The following LIAS variants were observed in gnomAD, a reference collection of about 807,000 sequenced individuals.
LIAS encodes lipoyl synthase, mitochondrial.
LIAS carries 36 observed loss-of-function variants against 49.4 expected under a neutral mutation model. That is an observed-to-expected ratio of 0.73 (90% CI 0.56 to 0.96). The LOEUF is 0.96. Among genes scored for constraint, LIAS ranks in the 40% least tolerant of loss-of-function variants. The pLI is 0.00. For missense variants in LIAS, 399 were observed against 456.3 expected, an observed-to-expected ratio of 0.87 and a Z score of 1.14; for synonymous variants, 145 against 155.8, an observed-to-expected ratio of 0.93 and a Z score of 0.52.
chr4:39,459,235 A>G, intron 1 of LIAS, 73 bp downstream of exon 1: 2 of 1,367,066 alleles, frequency 1.5e-6, no homozygotes, highest in Non-Finnish European at 2.0e-6. Flanking sequence ...CATGCCCAAT[A>G]ATAAAGGCCA....
chr4:39,462,813 C>T (rs1486146265), intron 3 of LIAS, among the ~76,000 whole-genome samples: 2 of 152,112 alleles, frequency 1.3e-5, no homozygotes, highest in African/African-American at 2.4e-5. Context: ...GGTGAAACCC[C>T]GTCTCTAATA....
At chr4:39,460,457 C>G (rs976963871) in intron 1 of LIAS, among the ~76,000 whole-genome samples, 4 of 150,972 alleles carry the variant, frequency 2.6e-5, no homozygotes, top group Non-Finnish European at 1.5e-5. Context: ...TGGCGTGAAC[C>G]CGGGAGGCGG....
chr4:39,463,108 T>TG (rs1744602651), intron 3 of LIAS, among the ~76,000 whole-genome samples: 1 of 152,078 alleles, frequency 6.6e-6, no homozygotes, highest in Non-Finnish European at 1.5e-5. Flanking sequence ...CCTTTTTTTT[T>TG]TTTTTTTGAA....
Position 39,462,304 on chromosome 4 carries a change from T to A in LIAS, c.312+15T>A, listed in dbSNP as rs1416486323. ...ATCTCCATACAGTAAGTTGTCAAAG[T>A]GTAAACTATCCCTCTTCACCAAAAG... On this transcript the variant is annotated intron_variant, in intron 3 of 10. Transcript: ENST00000640888. 2 of 1,314,156 alleles carry A rather than the reference T, an allele frequency of 1.5e-6. No individual in the cohort carries two copies. Among genetic ancestry groups the A allele is most frequent in the Admixed American group, 2.1e-5 (1 of 47,530 alleles). The allele number at this position is 1,314,156 out of a possible 1,614,324, so 81.4% of individuals were successfully genotyped here. A position where few individuals can be genotyped will look rare whatever the true frequency, so the allele number is the denominator to read the frequency against.
intron 1 of LIAS, among the ~76,000 whole-genome samples, chr4:39,460,407 G>A (rs1177684755): frequency 6.6e-6 from 1 of 151,834 alleles, no homozygotes; most frequent in Non-Finnish European, 1.5e-5. Flanking sequence ...GGTGGCGGGC[G>A]CCTGTAGTCC....
At position 39,477,633 on chromosome 4, in the gene LIAS, T is replaced by A. The variant is rs1048759385; in HGVS notation, c.*518T>A. The A allele has an allele frequency of 2.0e-5, 3 of 152,378 alleles. No individual in the cohort carries two copies. The highest frequency in any genetic ancestry group is 7.2e-5 in the African/African-American group (3 of 41,466). The allele number at this position is 152,378 out of a possible 1,614,324, so 9.4% of individuals were successfully genotyped here. Reference sequence around the variant, plus strand: ...TCTTTGTCCCAATTAAACAGTTGCTTGCTGTGATGTAATCTTAAAATATCT... The same window carrying A: ...TCTTTGTCCCAATTAAACAGTTGCTAGCTGTGATGTAATCTTAAAATATCT... On this transcript the variant is annotated 3_prime_UTR_variant, in exon 11 of 11. Coordinates refer to ENST00000640888, the MANE Select transcript of LIAS (RefSeq NM_006859.4).
At position 39,478,612 on chromosome 4, in the gene LIAS, CT is replaced by C. The variant is rs1745290491; in HGVS notation, c.*1498del. 6.6e-6 allele frequency: 1 copy of C among 152,224 alleles called. No homozygotes were observed. Among genetic ancestry groups the C allele is most frequent in the African/African-American group, 2.4e-5 (1 of 41,460 alleles). 9.4% of individuals were successfully genotyped at this position (152,224 alleles called of 1,614,324 possible). On this transcript the variant is annotated 3_prime_UTR_variant, in exon 11 of 11. Coordinates refer to ENST00000640888, the MANE Select transcript of LIAS (RefSeq NM_006859.4). ...CTCTGAAAACACCAAGGCCATAATG[CT>C]GCCTAAGACATGGAAATAGAACCTA...
At chr4:39,468,919 T>A (rs2109881461) in intron 7 of LIAS, 1 of 150,668 alleles carries the variant, frequency 6.6e-6, no homozygotes, top group African/African-American at 2.4e-5. Context: ...ATGTACTTTT[T>A]AAAAAAAGTA....
At chr4:39,470,933 C>T (rs1744956294) in intron 8 of LIAS, among the ~76,000 whole-genome samples, 1 of 128,412 alleles carries the variant, frequency 7.8e-6, no homozygotes, top group African/African-American at 3.1e-5. Context: ...CATACCTTTT[C>T]TACCAGACTC....
At chr4:39,463,746 A>T in intron 4 of LIAS, 141 bp downstream of exon 4, 1 of 1,343,136 alleles carries the variant, frequency 7.4e-7, no homozygotes, top group Non-Finnish European at 9.6e-7. Flanking sequence ...TTAAGAAAAA[A>T]CCTGATGGAA....
In LIAS at chr4:39,479,473, C is replaced by G. The variant is rs2109897528; in HGVS notation, c.*2358C>G. On this transcript the variant is annotated 3_prime_UTR_variant, in exon 11 of 11. Coordinates refer to ENST00000640888, the MANE Select transcript of LIAS (RefSeq NM_006859.4). ...GAGGTTGCAGTGAGCTGAGATCACACCATTGCACTCCAGCCTGGACAACGA... is the reference window on the plus strand; with the variant it reads ...GAGGTTGCAGTGAGCTGAGATCACAGCATTGCACTCCAGCCTGGACAACGA... 1 of 138,294 alleles carries G rather than the reference C, an allele frequency of 7.2e-6. No individual in the cohort carries two copies. The highest frequency in any genetic ancestry group is 1.5e-5 in the Non-Finnish European group (1 of 65,218). The allele number at this position is 138,294 out of a possible 1,614,324, so 8.6% of individuals were successfully genotyped here.
At chr4:39,472,790 T>TA (rs1745043600) in intron 9 of LIAS, among the ~76,000 whole-genome samples, 1 of 152,200 alleles carries the variant, frequency 6.6e-6, no homozygotes, top group African/African-American at 2.4e-5. Context: ...ATTTAGCTGT[T>TA]AACGAAGGAA....
At chr4:39,476,371 A>C (rs901728862) in intron 10 of LIAS, 1 of 152,258 alleles carries the variant, frequency 6.6e-6, no homozygotes, top group African/African-American at 2.4e-5. Flanking sequence ...TCACAGTTCT[A>C]CTCATATGTA....
At chr4:39,469,078 TATC>T (rs1332421489) in intron 7 of LIAS, 2 of 152,124 alleles carry the variant, frequency 1.3e-5, no homozygotes, top group African/African-American at 4.8e-5. Flanking sequence ...GCAAGAGTAA[TATC>T]ATTTTTTTCT....
chr4:39,463,837 G>T, intron 4 of LIAS: 1 of 788,830 alleles, frequency 1.3e-6, no homozygotes, highest in South Asian at 3.6e-5. Flanking sequence ...TTAATCACGT[G>T]CTGCCTTGAG....
At chr4:39,459,389 C>T in intron 1 of LIAS, 1 of 601,164 alleles carries the variant, frequency 1.7e-6, no homozygotes, top group Non-Finnish European at 2.9e-6. Flanking sequence ...GCACCGAGGA[C>T]TTATTTTCTG....
intron 10 of LIAS, among the ~76,000 whole-genome samples, chr4:39,474,604 A>ATT (rs200516232): frequency 2.0e-5 from 3 of 147,966 alleles, no homozygotes; most frequent in Admixed American, 6.8e-5. Context: ...TATTATTATT[A>ATT]TTTTTTTTTT....
chr4:39,472,076 T>C (rs1486564177), intron 9 of LIAS, among the ~76,000 whole-genome samples: 1 of 151,568 alleles, frequency 6.6e-6, no homozygotes, highest in Non-Finnish European at 1.5e-5. Context: ...CATGTACTTA[T>C]ATATATACGT....
rs1468216619 is a variant in LIAS, at chr4:39,468,521, A to ATATATT, written c.737+876_737+877insATATTT. 589 of 139,514 alleles carry ATATATT rather than the reference A, an allele frequency of 4.2e-3. 5 individuals carry two copies. The highest frequency in any genetic ancestry group is 0.015 in the African/African-American group (560 of 37,052). 8.6% of individuals were successfully genotyped at this position (139,514 alleles called of 1,614,324 possible). On this transcript the variant is annotated intron_variant, in intron 7 of 10. Coordinates refer to ENST00000640888, the MANE Select transcript of LIAS (RefSeq NM_006859.4). ...AAAAAAAATATATATATATATATATATTTTTTTATATTATATATATTCATA... is the reference window on the plus strand; with the variant it reads ...AAAAAAAATATATATATATATATATATATATTTTTTTTTATATTATATATATTCATA...
Sources: gnomAD v4.1 joint callset for allele counts (sites outside exome capture counted in the v4.1 genomes callset) on GRCh38, gnomAD v4.1.1 for gene constraint, MANE v1.5 for transcripts, NCBI Gene and HGNC (gene_info 2026-07-23, HGNC 2026-07-21) for gene names.